Variants in SEZ6L observed in about 807,000 individuals in gnomAD.
SEZ6L encodes seizure related 6 homolog like, also known as seizure 6-like protein.
A neutral mutation model predicts 106.2 loss-of-function variants in SEZ6L; 37 were observed. The ratio of observed to expected loss-of-function variants is 0.35; its 90% CI spans 0.27 to 0.46. The LOEUF is 0.46. Among genes scored for constraint, SEZ6L ranks in the 20% least tolerant of loss-of-function variants. The probability of loss-of-function intolerance (pLI) is 1.00; values close to 1 mark genes in which losing one functional copy is unlikely to be tolerated. For missense variants in SEZ6L, 1,172 were observed against 1,332.8 expected (o/e 0.88, Z 1.88); for synonymous variants, 541 against 570.4 (o/e 0.95, Z 0.73).
intron 9 of SEZ6L, among the ~76,000 whole-genome samples, chr22:26,332,110 G>T (rs1439100145): frequency 2.0e-5 from 3 of 148,066 alleles, no homozygotes; most frequent in African/African-American, 7.5e-5. Context: ...ATAATTTGTT[G>T]TTCATTTTCA....
chr22:26,201,382 CAAAAAAAAA>C (rs71192905), intron 1 of SEZ6L, among the ~76,000 whole-genome samples: 57 of 75,312 alleles, frequency 7.6e-4, no homozygotes, highest in Middle Eastern at 7.9e-3. Context: ...TACAAAAATA[CAAAAAAAAA>C]AAAAAAAAAA....
rs139989611 is a variant in SEZ6L at position 26,182,117 on chromosome 22, T to C, written c.94+12354T>C. 5.6e-3 allele frequency among the ~76,000 whole-genome samples: 857 copies of C among 152,358 alleles called. 3 individuals are homozygous for C. Among genetic ancestry groups the C allele is most frequent in the Non-Finnish European group, 9.6e-3 (652 of 68,030 alleles). The stretch of plus-strand genomic sequence containing the variant: ...TCTCAACACTACATCTCCCAGATAG[T>C]AGAAACTCAATAAGTGCAGACATGT... On this transcript the variant is annotated intron_variant, in intron 1 of 16. Coordinates refer to ENST00000248933, the MANE Select transcript of SEZ6L (RefSeq NM_021115.5).
At chr22:26,338,776 T>A (rs1283403530) in intron 9 of SEZ6L, among the ~76,000 whole-genome samples, 3 of 151,880 alleles carry the variant, frequency 2.0e-5, no homozygotes, top group African/African-American at 7.2e-5. Flanking sequence ...CAGAATGGTT[T>A]CGATTTCTTG....
chr22:26,363,462 T>C (rs1297202915), intron 12 of SEZ6L, among the ~76,000 whole-genome samples: 2 of 152,218 alleles, frequency 1.3e-5, no homozygotes, highest in African/African-American at 4.8e-5. Flanking sequence ...GAATGCTTCC[T>C]GTGAACCAGG....
chr22:26,295,590 G>C (rs1306717586), intron 3 of SEZ6L, among the ~76,000 whole-genome samples: 2 of 152,142 alleles, frequency 1.3e-5, no homozygotes, highest in Non-Finnish European at 2.9e-5. Flanking sequence ...ATAAACTGGA[G>C]AAAACCTGCA....
At chr22:26,325,523 A>G (rs2082280024) in intron 9 of SEZ6L, among the ~76,000 whole-genome samples, 1 of 151,968 alleles carries the variant, frequency 6.6e-6, no homozygotes, top group Admixed American at 6.6e-5. Flanking sequence ...CCTGGCATAT[A>G]GAAGACTCAG....
rs1602000231 is a variant in SEZ6L at position 26,195,492 on chromosome 22, T to G, written c.94+25729T>G. 2.0e-5 allele frequency among the ~76,000 whole-genome samples: 3 copies of G among 152,330 alleles called. No individual in the cohort carries two copies. In the South Asian group the frequency reaches 6.2e-4, roughly 32 times the overall value. On this transcript the variant is annotated intron_variant, in intron 1 of 16. Transcript: ENST00000248933. ...ATGAAGATTAAATGAGATCATAATA[T>G]GTAAAGTGTTTGGCACTGTGCTTGG...
chr22:26,372,766 C>CA (rs2084082502), intron 13 of SEZ6L, among the ~76,000 whole-genome samples: 1 of 151,888 alleles, frequency 6.6e-6, no homozygotes, highest in South Asian at 2.1e-4. Context: ...AGAAGTTTTA[C>CA]AAAAAACATA....
intron 12 of SEZ6L, among the ~76,000 whole-genome samples, chr22:26,362,556 T>TA (rs1292629312): frequency 2.0e-5 from 3 of 152,244 alleles, no homozygotes; most frequent in African/African-American, 4.8e-5. Flanking sequence ...CTTGGCCCCT[T>TA]AGAGCATGCA....
intron 12 of SEZ6L, among the ~76,000 whole-genome samples, chr22:26,358,591 A>G (rs755283533): frequency 3.9e-5 from 6 of 152,174 alleles, no homozygotes; most frequent in Non-Finnish European, 5.9e-5. Flanking sequence ...AAGAGAGGGG[A>G]AAATAGAAAA....
At chr22:26,305,882 A>G in intron 5 of SEZ6L, 97 bp from the exon 6 acceptor site, 17 of 1,171,370 alleles carry the variant, frequency 1.5e-5, no homozygotes, top group Non-Finnish European at 2.1e-5. Context: ...TGAAACACTC[A>G]CTTCCTTCTC....
At position 26,196,318 on chromosome 22, in the gene SEZ6L, C is replaced by G. The variant is rs996548878; in HGVS notation, c.94+26555C>G. ...AGGAGAAGCCACTATGCTTCCTATA[C>G]AGCCTGCAGAACCATGAGCCAATTA... On this transcript the variant is annotated intron_variant, in intron 1 of 16. Coordinates refer to ENST00000248933, the MANE Select transcript of SEZ6L (RefSeq NM_021115.5). Among the ~76,000 whole-genome samples, 4 of 152,204 alleles carry G rather than the reference C, an allele frequency of 2.6e-5. No homozygotes were observed. In the East Asian group the frequency reaches 7.7e-4, roughly 29 times the overall value.
At position 26,302,970 on chromosome 22, in the gene SEZ6L, C is replaced by T. The variant is rs369776284; in HGVS notation, c.1349-3009C>T. On this transcript the variant is annotated intron_variant, in intron 5 of 16. Transcript: ENST00000248933. ...AATAGAGCTGGCTATGTTTTGAGTG[C>T]CCACTCTGTGCCAGGGATGGCATGA... Among the ~76,000 whole-genome samples the T allele has an allele frequency of 7.9e-5, 12 of 152,326 alleles. No homozygotes were observed. In the East Asian group the frequency reaches 9.6e-4, roughly 12 times the overall value.
At chr22:26,379,774 A>G (rs1251824215) in intron 16 of SEZ6L, among the ~76,000 whole-genome samples, 2 of 152,266 alleles carry the variant, frequency 1.3e-5, no homozygotes, top group Non-Finnish European at 2.9e-5. Context: ...GAGACTAGAC[A>G]TGAATGAATA....
chr22:26,298,003 A>G (rs1228529328), intron 4 of SEZ6L, among the ~76,000 whole-genome samples: 1 of 152,092 alleles, frequency 6.6e-6, no homozygotes. Context: ...GAACCATGCA[A>G]CCAGATATTG....
intron 1 of SEZ6L, among the ~76,000 whole-genome samples, chr22:26,178,998 A>G (rs62224242): frequency 0.12 from 18,318 of 152,200 alleles, 1,370 homozygotes; most frequent in Non-Finnish European, 0.18. Context: ...ATAGGTTGAA[A>G]TCCAACCCCT....
In SEZ6L at chr22:26,292,857, G is replaced by T; in HGVS notation, c.546G>T (p.Val182=). 6.2e-7 allele frequency: 1 copy of T among 1,614,128 alleles called. No homozygotes were observed. Among genetic ancestry groups the T allele is most frequent in the Non-Finnish European group, 8.5e-7 (1 of 1,179,990 alleles). ...TGGCCTCCGAGGAGGCATCAGAAGT[G>T]CCCCTTTGGCTGGACCGAAAGGAGA... ...PIVASEEASE[V]PLWLDRKESA... The change falls in exon 2 of 17, where the codon GTG becomes GTT. Residue 182 remains valine (V), a synonymous_variant. Transcript: ENST00000248933.
At chr22:26,284,325 G>T (rs985068381) in intron 1 of SEZ6L, among the ~76,000 whole-genome samples, 1 of 152,266 alleles carries the variant, frequency 6.6e-6, no homozygotes, top group Non-Finnish European at 1.5e-5. Context: ...AACAAGACTT[G>T]GCCGGGTGCG....
intron 1 of SEZ6L, among the ~76,000 whole-genome samples, chr22:26,173,112 C>T (rs554277635): frequency 6.6e-6 from 1 of 152,114 alleles, no homozygotes; most frequent in Non-Finnish European, 1.5e-5. Context: ...GGAATGGGGG[C>T]AGGGCAAGGA....
Sources: allele counts gnomAD v4.1 joint callset (sites outside exome capture counted in the v4.1 genomes callset), GRCh38; gene constraint gnomAD v4.1.1; transcripts MANE v1.5; gene names NCBI Gene and HGNC (gene_info 2026-07-23, HGNC 2026-07-21).